SYT17: variants seen among roughly 807,000 people sequenced by gnomAD.
SYT17 encodes the protein synaptotagmin-17.
A neutral mutation model predicts 46.7 loss-of-function variants in SYT17; 22 were observed. The observed-to-expected ratio is 0.47, with a 90% CI of 0.34 to 0.67. The LOEUF (loss-of-function observed/expected upper bound fraction) is 0.67, where lower values mean the gene tolerates loss of function less well. Among genes scored for constraint, SYT17 ranks in the 30% least tolerant of loss-of-function variants. SYT17 has a pLI of 0.01. For missense variants in SYT17, 519 were observed against 612.8 expected, an observed-to-expected ratio of 0.85 and a Z score of 1.62; for synonymous variants, 251 against 248.4, an observed-to-expected ratio of 1.01 and a Z score of -0.10.
At chr16:19,239,726 G>A (rs1966951846) in intron 7 of SYT17, among the ~76,000 whole-genome samples, 1 of 152,204 alleles carries the variant, frequency 6.6e-6, no homozygotes, top group Non-Finnish European at 1.5e-5. Context: ...GTGCCTGGTG[G>A]CGCCTTTGTC....
At chr16:19,258,273 G>T (rs888518399) in intron 7 of SYT17, among the ~76,000 whole-genome samples, 1 of 152,082 alleles carries the variant, frequency 6.6e-6, no homozygotes, top group Non-Finnish European at 1.5e-5. Context: ...TGGGAGGTGG[G>T]GGGCGGGAAG....
intron 5 of SYT17, among the ~76,000 whole-genome samples, chr16:19,216,118 T>C (rs1056224895): frequency 1.1e-4 from 17 of 152,138 alleles, no homozygotes; most frequent in African/African-American, 4.1e-4. Flanking sequence ...TTTTATATAA[T>C]AATATTGATA....
Position 19,168,600 on chromosome 16 carries a change from C to T in SYT17, c.-47C>T. Reference sequence around the variant, plus strand: ...TCCGCTGTTGGCGAGGGCAAAGTGGCCGTGGCGGCGCCATGCCCGGGCCGG... The same window carrying T: ...TCCGCTGTTGGCGAGGGCAAAGTGGTCGTGGCGGCGCCATGCCCGGGCCGG... On this transcript the variant is annotated 5_prime_UTR_variant, in exon 1 of 8. Transcript: ENST00000355377. This position sits in a 1 kb window ranked among gnomAD's most constrained non-coding sequence, Gnocchi z 6.9. The T allele has an allele frequency of 6.5e-7, 1 of 1,542,510 alleles. No homozygotes were observed. Among genetic ancestry groups the T allele is most frequent in the Non-Finnish European group, 8.8e-7 (1 of 1,142,632 alleles).
intron 1 of SYT17, chr16:19,172,366 T>C: frequency 1.4e-6 from 2 of 1,392,150 alleles, no homozygotes; most frequent in East Asian, 2.7e-5. Flanking sequence ...TAGCTAATCA[T>C]GTCCTTTTGG....
intron 7 of SYT17, 29 bp from the exon 8 acceptor site, chr16:19,266,851 C>T: frequency 6.2e-7 from 1 of 1,603,708 alleles, no homozygotes; most frequent in African/African-American, 1.3e-5. Flanking sequence ...TCTTGCCTCC[C>T]TCCTGCCCTC....
At chr16:19,196,147 G>A (rs1267974802) in intron 5 of SYT17, among the ~76,000 whole-genome samples, 1 of 152,124 alleles carries the variant, frequency 6.6e-6, no homozygotes, top group African/African-American at 2.4e-5. Context: ...CACAATTGAG[G>A]TTGAAACCAG....
rs746795105 is a variant in SYT17, at chr16:19,183,868, G to C, written c.672G>C (p.Met224Ile). The change falls in exon 5 of 8, where the codon ATG becomes ATC. Residue 224 changes from methionine (M) to isoleucine (I), a missense_variant. Coordinates refer to ENST00000355377, the MANE Select transcript of SYT17 (RefSeq NM_016524.4). This position sits in a 1 kb window ranked among gnomAD's most constrained non-coding sequence, Gnocchi z 5.6. ...PISHDGSRQD[M>I]AHSNPYVKIC... ...CCCACGATGGCTCGCGCCAGGACAT[G>C]GCGCACTCCAACCCCTACGTCAAGA... The C allele has an allele frequency of 6.2e-7, 1 of 1,614,162 alleles. No individual in the cohort carries two copies. Among genetic ancestry groups the C allele is most frequent in the African/African-American group, 1.3e-5 (1 of 75,050 alleles).
chr16:19,172,831 C>T, intron 2 of SYT17, 54 bp downstream of exon 2: 5 of 1,609,432 alleles, frequency 3.1e-6, no homozygotes, highest in Non-Finnish European at 4.2e-6. Flanking sequence ...AAATGCCTGA[C>T]TTTCATTTTG....
At chr16:19,258,660 A>G (rs1202157066) in intron 7 of SYT17, among the ~76,000 whole-genome samples, 3 of 152,078 alleles carry the variant, frequency 2.0e-5, no homozygotes, top group Non-Finnish European at 4.4e-5. Context: ...AATAAAATAA[A>G]ATAACAGAAA....
Position 19,183,647 on chromosome 16 carries a change from G to A in SYT17, c.451G>A (p.Asp151Asn), listed in dbSNP as rs371789759. ...GGTGCTCAGACGGACCTATAACCCC[G>A]ACGACTATTTCAGGAAGTTCGAACC... ...PSVLRRTYNP[D>N]DYFRKFEPHL... The change falls in exon 5 of 8, where the codon GAC becomes AAC. Residue 151 changes from aspartate to asparagine, a missense_variant. Coordinates refer to ENST00000355377, the MANE Select transcript of SYT17 (RefSeq NM_016524.4). This position sits in a 1 kb window ranked among gnomAD's most constrained non-coding sequence, Gnocchi z 5.6. 39 of 1,614,080 alleles carry A rather than the reference G, an allele frequency of 2.4e-5. No individual in the cohort carries two copies. The highest frequency in any genetic ancestry group is 1.7e-4 in the African/African-American group (13 of 75,008).
At chr16:19,223,269 CT>C in intron 6 of SYT17, 104 bp downstream of exon 6, 6 of 1,409,730 alleles carry the variant, frequency 4.3e-6, no homozygotes, top group Non-Finnish European at 4.8e-6. Context: ...CATTACTCAT[CT>C]CAGGATGAGG....
chr16:19,253,649 GAA>G (rs1968352017), intron 7 of SYT17, among the ~76,000 whole-genome samples: 1 of 151,630 alleles, frequency 6.6e-6, no homozygotes, highest in East Asian at 1.9e-4. Flanking sequence ...CTTAAGAAAA[GAA>G]AAGAAAAAAG....
At chr16:19,239,797 A>G (rs1234768980) in intron 7 of SYT17, among the ~76,000 whole-genome samples, 1 of 152,174 alleles carries the variant, frequency 6.6e-6, no homozygotes, top group Non-Finnish European at 1.5e-5. Context: ...GGCTCATGCT[A>G]CCAGGCTGGA....
At chr16:19,206,822 G>A (rs229015) in intron 5 of SYT17, among the ~76,000 whole-genome samples, 34,342 of 151,956 alleles carry the variant, frequency 0.23, 4,134 homozygotes, top group Non-Finnish European at 0.26. Flanking sequence ...ACTCCTGTAC[G>A]ACCTCATCTT....
intron 5 of SYT17, 41 bp from the exon 6 acceptor site, chr16:19,223,004 A>C: frequency 1.9e-6 from 3 of 1,611,978 alleles, no homozygotes; most frequent in Non-Finnish European, 2.5e-6. Flanking sequence ...AAAAGGAATA[A>C]AAGGAGAAGG....
At chr16:19,247,413 T>C (rs932039619) in intron 7 of SYT17, among the ~76,000 whole-genome samples, 6 of 152,204 alleles carry the variant, frequency 3.9e-5, no homozygotes, top group South Asian at 2.1e-4. Context: ...TCAATTTTGA[T>C]AGATATCGTC....
chr16:19,215,553 A>C (rs569149852), intron 5 of SYT17, among the ~76,000 whole-genome samples: 1 of 152,238 alleles, frequency 6.6e-6, no homozygotes, highest in Admixed American at 6.5e-5. Flanking sequence ...TTGGGACCAC[A>C]GGTACTCACC....
intron 5 of SYT17, among the ~76,000 whole-genome samples, chr16:19,193,467 G>C (rs1258222608): frequency 6.6e-6 from 1 of 152,196 alleles, no homozygotes; most frequent in Non-Finnish European, 1.5e-5. Flanking sequence ...GATTTGCACT[G>C]CCCAAATGAA....
intron 7 of SYT17, among the ~76,000 whole-genome samples, chr16:19,227,046 A>T (rs976256386): frequency 4.6e-5 from 7 of 152,264 alleles, no homozygotes; most frequent in Non-Finnish European, 8.8e-5. Flanking sequence ...ACCCTGGGCA[A>T]GATCTGCGTG....
Sources: allele counts gnomAD v4.1 joint callset (sites outside exome capture counted in the v4.1 genomes callset), GRCh38; gene constraint gnomAD v4.1.1; non-coding constraint Gnocchi (gnomAD v3.1); transcripts MANE v1.5; gene names NCBI Gene and HGNC (gene_info 2026-07-23, HGNC 2026-07-21).